Variants in SAMD12 observed in about 807,000 individuals in gnomAD.
SAMD12 encodes the protein sterile alpha motif domain containing 12, also known as sterile alpha motif domain-containing protein 12.
In SAMD12, 9 loss-of-function variants were observed where a neutral mutation model predicts 15.0. The observed-to-expected ratio is 0.60, with a 90% CI of 0.36 to 1.05. SAMD12 has a LOEUF of 1.05. Among genes scored for constraint, SAMD12 ranks in the 50% least tolerant of loss-of-function variants. The probability of loss-of-function intolerance (pLI) is 0.01; values close to 1 mark genes in which losing one functional copy is unlikely to be tolerated. For synonymous variants in SAMD12, 86 were observed against 90.1 expected (o/e 0.96, Z 0.25); for missense variants, 230 against 234.2 (o/e 0.98, Z 0.12).
At chr8:118,597,299 G>A (rs1301513387) in intron 1 of SAMD12, among the ~76,000 whole-genome samples, 3 of 152,184 alleles carry the variant, frequency 2.0e-5, no homozygotes, top group Non-Finnish European at 4.4e-5. Context: ...ATTGTAGAAG[G>A]ATGTACTGTA....
chr8:118,321,146 T>TAA (rs1216586644), intron 4 of SAMD12, among the ~76,000 whole-genome samples: 265 of 3,982 alleles, frequency 0.067, 1 homozygote, highest in Admixed American at 0.22. Context: ...AGATAATAAA[T>TAA]ATATATATAT....
intron 4 of SAMD12, among the ~76,000 whole-genome samples, chr8:118,283,044 A>AGTG (rs1469968821): frequency 6.6e-6 from 1 of 152,210 alleles, no homozygotes; most frequent in Non-Finnish European, 1.5e-5. Context: ...TTCTAAGTAT[A>AGTG]GTGGCATGTG....
intron 2 of SAMD12, among the ~76,000 whole-genome samples, chr8:118,579,517 C>G (rs1244191865): frequency 6.6e-6 from 1 of 152,140 alleles, no homozygotes; most frequent in Non-Finnish European, 1.5e-5. Context: ...CACACACATA[C>G]TTAATGTCAA....
At chr8:118,237,645 G>A (rs893689066) in intron 4 of SAMD12, among the ~76,000 whole-genome samples, 3 of 152,188 alleles carry the variant, frequency 2.0e-5, no homozygotes, top group Non-Finnish European at 4.4e-5. Context: ...GAAGCTGGAG[G>A]CAGAAGGCTG....
the SAMD12 span, among the ~76,000 whole-genome samples, chr8:118,160,122 A>G: frequency 6.6e-6 from 1 of 152,246 alleles, no homozygotes; most frequent in Non-Finnish European, 1.5e-5. Context: ...CTAGGAATGT[A>G]AAAATATATA....
exon 5 of SAMD12, chr8:118,192,047 T>C (rs1819420635): frequency 6.6e-6 from 1 of 151,390 alleles, no homozygotes; most frequent in Admixed American, 6.6e-5. Flanking sequence ...GATCAGTTTG[T>C]GGAATAGGAC....
intron 4 of SAMD12, among the ~76,000 whole-genome samples, chr8:118,292,349 G>GAC (rs3052706): frequency 0.013 from 1,753 of 137,700 alleles, 24 homozygotes; most frequent in Non-Finnish European, 0.018. Flanking sequence ...CAAACACACA[G>GAC]ACACACACAC....
the SAMD12 span, among the ~76,000 whole-genome samples, chr8:118,144,626 G>A: frequency 1.3e-5 from 2 of 151,658 alleles, no homozygotes; most frequent in African/African-American, 4.8e-5. Context: ...AAGGAAGGGA[G>A]GAAAAAGGGG....
intron 4 of SAMD12, among the ~76,000 whole-genome samples, chr8:118,320,678 G>GGT (rs1554631049): frequency 6.8e-6 from 1 of 147,368 alleles, no homozygotes; most frequent in Non-Finnish European, 1.5e-5. Flanking sequence ...GGGGTGGGGG[G>GGT]GGTGGGGAGG....
chr8:118,472,939 C>CT (rs1291648890), intron 2 of SAMD12, among the ~76,000 whole-genome samples: 1 of 151,686 alleles, frequency 6.6e-6, no homozygotes, highest in East Asian at 1.9e-4. Flanking sequence ...AGGAGGAGTG[C>CT]TAGGTATTTC....
Position 118,409,399 on chromosome 8 carries a change from A to T in SAMD12, c.323-29699T>A, listed in dbSNP as rs76689197. Among the ~76,000 whole-genome samples the T allele has an allele frequency of 5.3e-3, 779 of 147,204 alleles. 9 individuals carry two copies. Among genetic ancestry groups the T allele is most frequent in the African/African-American group, 0.019 (746 of 39,852 alleles). On this transcript the variant is annotated intron_variant, in intron 3 of 3. Transcript: ENST00000314727. ...GTGTCATTCTGGTTTTTAAGGATTT[A>T]TTAGCCCAATATATGTTTATTGAAT... is the stretch of plus-strand genomic sequence containing the variant.
downstream of SAMD12, among the ~76,000 whole-genome samples, chr8:118,187,685 T>C (rs1363074815): frequency 6.6e-6 from 1 of 152,170 alleles, no homozygotes; most frequent in Non-Finnish European, 1.5e-5. Context: ...AGGCTTTTCT[T>C]TGTATTGGCA....
At chr8:118,164,104 G>C in the SAMD12 span, among the ~76,000 whole-genome samples, 1 of 152,110 alleles carries the variant, frequency 6.6e-6, no homozygotes, top group Non-Finnish European at 1.5e-5. Flanking sequence ...GGAGGGAGGA[G>C]TAGGAAGAGG....
chr8:118,172,686 C>T, the SAMD12 span, among the ~76,000 whole-genome samples: 2 of 152,126 alleles, frequency 1.3e-5, no homozygotes, highest in South Asian at 2.1e-4. Context: ...TCCATGAAAC[C>T]GTTACCACAG....
intron 4 of SAMD12, among the ~76,000 whole-genome samples, chr8:118,281,361 C>T (rs978364914): frequency 2.6e-5 from 4 of 152,126 alleles, no homozygotes; most frequent in South Asian, 4.1e-4. Flanking sequence ...ATGGCTTTTC[C>T]GTGTGCAGTG....
intron 3 of SAMD12, among the ~76,000 whole-genome samples, chr8:118,427,900 A>T (rs1822281173): frequency 6.6e-6 from 1 of 152,186 alleles, no homozygotes; most frequent in African/African-American, 2.4e-5. Context: ...CAACATACAT[A>T]CAAGAGATTC....
intron 4 of SAMD12, among the ~76,000 whole-genome samples, chr8:118,209,050 A>G (rs984015304): frequency 1.3e-5 from 2 of 152,206 alleles, no homozygotes; most frequent in African/African-American, 2.4e-5. Context: ...TGAATTGGCA[A>G]AATCAAGCAA....
intron 2 of SAMD12, among the ~76,000 whole-genome samples, chr8:118,573,780 T>C (rs2131241824): frequency 6.6e-6 from 1 of 152,296 alleles, no homozygotes; most frequent in South Asian, 2.1e-4. Flanking sequence ...ACCAAATAAC[T>C]ATGAGGCAAG....
chr8:118,345,449 T>C (rs1240694547), intron 4 of SAMD12, among the ~76,000 whole-genome samples: 1 of 152,062 alleles, frequency 6.6e-6, no homozygotes, highest in Non-Finnish European at 1.5e-5. Context: ...GAGATACTGA[T>C]GAGAATGCAC....
Sources: allele counts gnomAD v4.1 joint callset (sites outside exome capture counted in the v4.1 genomes callset), GRCh38; gene constraint gnomAD v4.1.1; transcripts MANE v1.5; gene names NCBI Gene and HGNC (gene_info 2026-07-23, HGNC 2026-07-21).